Variants in TMEM74 observed in about 807,000 individuals in gnomAD.
TMEM74 encodes transmembrane protein 74.
A neutral mutation model predicts 18.1 loss-of-function variants in TMEM74; 13 were observed. The observed-to-expected ratio is 0.72, with a 90% CI of 0.47 to 1.14. TMEM74 has a LOEUF of 1.14. TMEM74 is among the 50% of genes most tolerant of loss of function. TMEM74 has a pLI of 0.00. For missense variants in TMEM74, 372 were observed against 375.9 expected, an observed-to-expected ratio of 0.99 and a Z score of 0.09; for synonymous variants, 159 against 146.6, an observed-to-expected ratio of 1.08 and a Z score of -0.61.
chr8:108,617,488 G>A (rs1011811098), intron 2 of TMEM74, among the ~76,000 whole-genome samples: 1 of 152,052 alleles, frequency 6.6e-6, no homozygotes, highest in African/African-American at 2.4e-5. Context: ...TGTCTAAAGG[G>A]GACCTCCTGT....
chr8:108,695,789 C>G lies in TMEM74; in HGVS notation n.120-40352G>C, dbSNP rs950214144. 7.2e-5 allele frequency among the ~76,000 whole-genome samples: 11 copies of G among 152,302 alleles called. No homozygotes were observed. The East Asian group carries it at 1.9e-3, about 27-fold the overall frequency. On this transcript the variant is annotated intron_variant and non_coding_transcript_variant, in intron 1 of 3. Coordinates refer to the TMEM74 transcript ENST00000518838. ...GGGGCAGCATGGGCATACTTTTCTT[C>G]CCCTGTAACTGATATATAGATGACC...
At chr8:108,706,776 G>GGTGGGTGTGTGT (rs1813415105) in intron 1 of TMEM74, among the ~76,000 whole-genome samples, 3 of 144,972 alleles carry the variant, frequency 2.1e-5, no homozygotes, top group East Asian at 2.1e-4. Flanking sequence ...AATTACAAGG[G>GGTGGGTGTGTGT]GTGTGTGTGT....
chr8:108,655,332 T>G (rs1173615062), exon 2 of TMEM74: 1 of 152,176 alleles, frequency 6.6e-6, no homozygotes, highest in Non-Finnish European at 1.5e-5. Context: ...GGAATCTTCT[T>G]GAATCTTCTC....
rs1814363573 is a variant in TMEM74, at chr8:108,784,998, G to T, written c.101C>A (p.Ala34Glu). The change falls in exon 2 of 2, where the codon GCA becomes GAA. Residue 34 changes from alanine to glutamate, a missense_variant. Coordinates refer to ENST00000297459, the MANE Select transcript of TMEM74 (RefSeq NM_153015.3). ...RGLPGDQADT[A>E]ATRAALCCQK... ...ACAGCAGAGAGCAGCTCTTGTGGCTGCTGTATCTGCCTGGTCACCAGGCAG... is the reference window on the plus strand; with the variant it reads ...ACAGCAGAGAGCAGCTCTTGTGGCTTCTGTATCTGCCTGGTCACCAGGCAG... 6.2e-7 allele frequency: 1 copy of T among 1,614,062 alleles called. No homozygotes were observed. Among genetic ancestry groups the T allele is most frequent in the Non-Finnish European group, 8.5e-7 (1 of 1,180,044 alleles).
At chr8:108,720,746 AT>A (rs759374674) in intron 1 of TMEM74, among the ~76,000 whole-genome samples, 46,582 of 138,314 alleles carry the variant, frequency 0.34, 7,744 homozygotes, top group East Asian at 0.53. Context: ...TTATTTATTT[AT>A]TTATTTATTA....
chr8:108,768,006 C>T (rs180904111), intron 1 of TMEM74, among the ~76,000 whole-genome samples: 11 of 152,162 alleles, frequency 7.2e-5, no homozygotes, highest in African/African-American at 1.7e-4. Flanking sequence ...CATTGGAAAT[C>T]GGAAAAACTC....
chr8:108,732,592 A>G (rs1205198753), intron 1 of TMEM74, among the ~76,000 whole-genome samples: 2 of 152,158 alleles, frequency 1.3e-5, no homozygotes, highest in Non-Finnish European at 2.9e-5. Context: ...TATATGATAA[A>G]ATAATTTTCA....
At chr8:108,765,265 T>C (rs1288084724) in intron 1 of TMEM74, among the ~76,000 whole-genome samples, 1 of 152,142 alleles carries the variant, frequency 6.6e-6, no homozygotes, top group Admixed American at 6.5e-5. Context: ...TAGAGTACTC[T>C]CTGCTCTCAC....
rs143202588 is a variant in TMEM74, at chr8:108,726,721, C to T, written n.119+60755G>A. Among the ~76,000 whole-genome samples, 622 of 151,998 alleles carry T rather than the reference C, an allele frequency of 4.1e-3. 8 individuals are homozygous for T. The highest frequency in any genetic ancestry group is 0.014 in the African/African-American group (584 of 41,440). On this transcript the variant is annotated intron_variant and non_coding_transcript_variant, in intron 1 of 3. Coordinates refer to the TMEM74 transcript ENST00000518838. Reference sequence around the variant, plus strand: ...GTTCTACTATAAGTCAAGCTCTGTCCGAGGTACTGATATATCAGTGCCAAA... The same window carrying T: ...GTTCTACTATAAGTCAAGCTCTGTCTGAGGTACTGATATATCAGTGCCAAA...
intron 1 of TMEM74, among the ~76,000 whole-genome samples, chr8:108,659,082 A>G (rs539555981): frequency 5.0e-4 from 76 of 152,286 alleles, no homozygotes; most frequent in South Asian, 1.9e-3. Context: ...AGAAAAATAT[A>G]TAAAGAAAGG....
At chr8:108,737,701 C>A (rs921521028) in intron 1 of TMEM74, among the ~76,000 whole-genome samples, 1 of 152,014 alleles carries the variant, frequency 6.6e-6, no homozygotes, top group Non-Finnish European at 1.5e-5. Context: ...CAATACAGTA[C>A]AGTATAATAC....
chr8:108,675,792 A>G (rs1175699219), intron 1 of TMEM74, among the ~76,000 whole-genome samples: 1 of 152,248 alleles, frequency 6.6e-6, no homozygotes, highest in Non-Finnish European at 1.5e-5. Context: ...CAAACAGGGC[A>G]TAGGCCTAGG....
chr8:108,787,127 A>C (rs1041701419), intron 1 of TMEM74, among the ~76,000 whole-genome samples: 2 of 152,108 alleles, frequency 1.3e-5, no homozygotes, highest in African/African-American at 4.8e-5. Flanking sequence ...GGGGACACGC[A>C]CTTTCCCTCG....
intron 2 of TMEM74, among the ~76,000 whole-genome samples, chr8:108,654,113 T>C (rs374018872): frequency 6.6e-6 from 1 of 152,318 alleles, no homozygotes; most frequent in African/African-American, 2.4e-5. Context: ...TGATTTTATT[T>C]ATTTATTTTT....
chr8:108,669,273 C>T (rs1256057772), intron 1 of TMEM74, among the ~76,000 whole-genome samples: 1 of 152,090 alleles, frequency 6.6e-6, no homozygotes, highest in Non-Finnish European at 1.5e-5. Context: ...AAGACTTTGC[C>T]AAAGTCGCTG....
chr8:108,730,650 T>G (rs956732764), intron 1 of TMEM74, among the ~76,000 whole-genome samples: 16 of 151,312 alleles, frequency 1.1e-4, no homozygotes, highest in South Asian at 8.4e-4. Flanking sequence ...TTTTTTTTTT[T>G]TGTGACGGAG....
chr8:108,776,498 A>C (rs920738129), downstream of TMEM74, among the ~76,000 whole-genome samples: 2 of 152,250 alleles, frequency 1.3e-5, no homozygotes, highest in African/African-American at 4.8e-5. Flanking sequence ...GTCTTAAAAC[A>C]AAAGGTAATT....
intron 1 of TMEM74, among the ~76,000 whole-genome samples, chr8:108,690,676 G>A (rs1311610050): frequency 6.6e-6 from 1 of 152,030 alleles, no homozygotes; most frequent in African/African-American, 2.4e-5. Context: ...TAAAAAATTA[G>A]CCGGGCATGG....
chr8:108,784,054 C>A lies in TMEM74; in HGVS notation c.*127G>T. The stretch of plus-strand genomic sequence containing the variant: ...GACACATAGAGAACAAAAACACTTA[C>A]TGGCTGTTGGTTTGTGAAATAAACT... On this transcript the variant is annotated 3_prime_UTR_variant, in exon 2 of 2. Coordinates refer to ENST00000297459, the MANE Select transcript of TMEM74 (RefSeq NM_153015.3). The A allele has an allele frequency of 1.3e-6, 1 of 793,648 alleles. No homozygotes were observed. Among genetic ancestry groups the A allele is most frequent in the African/African-American group, 1.7e-5 (1 of 57,246 alleles). The allele number at this position is 793,648 out of a possible 1,614,324, so 49.2% of individuals were successfully genotyped here.
Sources: allele counts gnomAD v4.1 joint callset (sites outside exome capture counted in the v4.1 genomes callset), GRCh38; gene constraint gnomAD v4.1.1; transcripts MANE v1.5; gene names NCBI Gene and HGNC (gene_info 2026-07-23, HGNC 2026-07-21).